FRMD3: variants seen among roughly 807,000 people sequenced by gnomAD.
FRMD3 encodes FERM domain containing 3, also known as FERM domain-containing protein 3.
A neutral mutation model predicts 70.2 loss-of-function variants in FRMD3; 33 were observed. The observed-to-expected ratio is 0.47, with a 90% confidence interval of 0.36 to 0.63. FRMD3 has a LOEUF of 0.63. FRMD3 is among the 20% of genes least tolerant of loss of function. FRMD3 has a pLI of 0.00. For synonymous variants in FRMD3, 279 were observed against 255.9 expected (o/e 1.09, Z -0.86); for missense variants, 632 against 711.4 (o/e 0.89, Z 1.27).
the FRMD3 span, among the ~76,000 whole-genome samples, chr9:83,563,355 G>A: frequency 1.1e-4 from 16 of 152,202 alleles, no homozygotes; most frequent in Non-Finnish European, 1.8e-4. Flanking sequence ...TGACAGCCCT[G>A]CTAAGCAGCC....
intron 1 of FRMD3, among the ~76,000 whole-genome samples, chr9:83,436,459 T>G: frequency 4.7e-5 from 2 of 42,808 alleles, no homozygotes; most frequent in South Asian, 9.1e-4. Flanking sequence ...ATTAATAAGA[T>G]GTGTGTGTGT....
chr9:83,350,659 GA>G (rs1824124616), intron 3 of FRMD3: 1 of 354,568 alleles, frequency 2.8e-6, no homozygotes, highest in Non-Finnish European at 3.9e-6. Context: ...AAAAGAAAAA[GA>G]AAGAAGAAAA....
chr9:83,445,596 C>T (rs2131402950), intron 1 of FRMD3, among the ~76,000 whole-genome samples: 1 of 152,256 alleles, frequency 6.6e-6, no homozygotes, highest in South Asian at 2.1e-4. Flanking sequence ...AAGGATGCCT[C>T]CTTATTTATC....
intron 13 of FRMD3, among the ~76,000 whole-genome samples, chr9:83,278,077 A>AG (rs973935142): frequency 3.9e-5 from 6 of 152,228 alleles, no homozygotes; most frequent in African/African-American, 1.4e-4. Context: ...ACTCAGAATT[A>AG]GGCACTGAGG....
At position 83,248,263 on chromosome 9, in the gene FRMD3, A is replaced by T; in HGVS notation, c.1449T>A (p.Phe483Leu). The T allele has an allele frequency of 1.2e-6, 2 of 1,614,202 alleles. No homozygotes were observed. Among genetic ancestry groups the T allele is most frequent in the Non-Finnish European group, 8.5e-7 (1 of 1,180,046 alleles). The stretch of plus-strand genomic sequence containing the variant: ...CGTTTTCATCTGCTTCCAGATCCTC[A>T]AATGAATCTGTGTCTTCTCTTTCCA... ...LELEREDTDS[F>L]EDLEADENAF... Residue 483 changes from phenylalanine to leucine, a missense_variant, in exon 14 of 14, where the codon TTT becomes TTA. Coordinates refer to ENST00000304195, the MANE Select transcript of FRMD3 (RefSeq NM_174938.6).
intron 6 of FRMD3, among the ~76,000 whole-genome samples, chr9:83,319,212 A>G (rs543479489): frequency 1.3e-5 from 2 of 151,918 alleles, no homozygotes; most frequent in East Asian, 1.9e-4. Flanking sequence ...CCATTTGCCT[A>G]TTTTTGTTTT....
At chr9:83,569,921 G>T in the FRMD3 span, among the ~76,000 whole-genome samples, 3 of 152,116 alleles carry the variant, frequency 2.0e-5, no homozygotes. Flanking sequence ...GTTGTTTTGT[G>T]TTGAATTGAA....
intron 1 of FRMD3, among the ~76,000 whole-genome samples, chr9:83,504,807 A>C (rs1166598693): frequency 6.6e-6 from 1 of 152,116 alleles, no homozygotes; most frequent in Non-Finnish European, 1.5e-5. Flanking sequence ...GCCTCTCCCT[A>C]CTAGAATATA....
intron 4 of FRMD3, among the ~76,000 whole-genome samples, chr9:83,348,964 T>C (rs1824053423): frequency 6.6e-6 from 1 of 152,230 alleles, no homozygotes; most frequent in Non-Finnish European, 1.5e-5. Flanking sequence ...CATCTATCTG[T>C]ACCTAAGCAG....
intron 1 of FRMD3, among the ~76,000 whole-genome samples, chr9:83,495,992 C>T (rs9942844): frequency 0.097 from 14,705 of 152,180 alleles, 869 homozygotes; most frequent in African/African-American, 0.16. Context: ...TTGCCTGTCT[C>T]GAGCTTACAT....
chr9:83,314,563 C>T (rs920195389), intron 6 of FRMD3, among the ~76,000 whole-genome samples: 4 of 152,040 alleles, frequency 2.6e-5, no homozygotes, highest in African/African-American at 7.3e-5. Context: ...TTCCCAAAGA[C>T]GGATTGTCCC....
chr9:83,513,136 A>G (rs77458987), intron 1 of FRMD3, among the ~76,000 whole-genome samples: 1,682 of 152,324 alleles, frequency 0.011, 35 homozygotes, highest in African/African-American at 0.039. Flanking sequence ...AGAGCCTGAG[A>G]CAAAAACCCA....
chr9:83,304,094 A>C (rs1400388765), intron 10 of FRMD3, among the ~76,000 whole-genome samples: 1 of 152,216 alleles, frequency 6.6e-6, no homozygotes, highest in Non-Finnish European at 1.5e-5. Context: ...GCTGAATGAT[A>C]TACCATTGTA....
chr9:83,344,126 C>G (rs1368137026), intron 4 of FRMD3, among the ~76,000 whole-genome samples: 2 of 152,248 alleles, frequency 1.3e-5, no homozygotes, highest in Non-Finnish European at 2.9e-5. Flanking sequence ...TTCTGTTACT[C>G]CACACTGATC....
At chr9:83,254,794 C>T (rs987680052) in intron 13 of FRMD3, among the ~76,000 whole-genome samples, 3 of 152,070 alleles carry the variant, frequency 2.0e-5, no homozygotes, top group African/African-American at 7.2e-5. Context: ...GGATAAATTC[C>T]TGGACACATA....
intron 1 of FRMD3, among the ~76,000 whole-genome samples, chr9:83,418,897 T>C (rs572743706): frequency 6.6e-6 from 1 of 152,340 alleles, no homozygotes; most frequent in South Asian, 2.1e-4. Context: ...CATCAACTAA[T>C]GAGTGGAGAA....
At chr9:83,313,584 C>T in intron 7 of FRMD3, 76 bp downstream of exon 7, 5 of 1,162,310 alleles carry the variant, frequency 4.3e-6, no homozygotes, top group Non-Finnish European at 6.4e-6. Context: ...CAAGGCTCTG[C>T]CAGGCCTGCG....
At chr9:83,434,901 A>G (rs1270553467) in intron 1 of FRMD3, among the ~76,000 whole-genome samples, 1 of 133,264 alleles carries the variant, frequency 7.5e-6, no homozygotes, top group Non-Finnish European at 1.5e-5. Flanking sequence ...ATCTCGGCTC[A>G]CTGCAGCCTC....
chr9:83,419,487 G>C lies in FRMD3; in HGVS notation c.148-29779C>G, dbSNP rs1024701145. On this transcript the variant is annotated intron_variant, in intron 1 of 13. Transcript: ENST00000304195. ...GTGTGTGTGTGTTCATGTGTTGAGA[G>C]TGTGTGTGTTCATGTGTGTTGAGTG... Among the ~76,000 whole-genome samples the C allele has an allele frequency of 2.6e-5, 4 of 151,200 alleles. No individual in the cohort carries two copies. In the East Asian group the frequency reaches 5.8e-4, roughly 22 times the overall value.
Sources: allele counts gnomAD v4.1 joint callset (sites outside exome capture counted in the v4.1 genomes callset), GRCh38; gene constraint gnomAD v4.1.1; transcripts MANE v1.5; gene names NCBI Gene and HGNC (gene_info 2026-07-23, HGNC 2026-07-21).